Variants in KLF12 observed in about 807,000 individuals in gnomAD.
The protein encoded by KLF12 is KLF transcription factor 12.
In KLF12, 9 loss-of-function variants were observed where a neutral mutation model predicts 37.8. The observed-to-expected ratio is 0.24, with a 90% CI of 0.14 to 0.42. KLF12 has a LOEUF of 0.42. KLF12 is among the 10% of genes least tolerant of loss of function. The probability of loss-of-function intolerance (pLI) is 1.00; values close to 1 mark genes in which losing one functional copy is unlikely to be tolerated. For missense variants in KLF12, 411 were observed against 516.0 expected (o/e 0.80, Z 1.97); for synonymous variants, 208 against 202.1 (o/e 1.03, Z -0.25).
intron 2 of KLF12, among the ~76,000 whole-genome samples, chr13:73,949,816 T>C (rs1380436752): frequency 6.6e-6 from 1 of 152,210 alleles, no homozygotes; most frequent in Non-Finnish European, 1.5e-5. Flanking sequence ...AACACAGACT[T>C]TGCCATTCTA....
chr13:73,996,734 G>A (rs1374506027), intron 1 of KLF12, among the ~76,000 whole-genome samples: 5 of 152,134 alleles, frequency 3.3e-5, no homozygotes, highest in African/African-American at 1.2e-4. Context: ...TGGAAAGGAT[G>A]CCTCCTCTGG....
chr13:73,766,484 G>C (rs1437371140), intron 5 of KLF12, among the ~76,000 whole-genome samples: 1 of 152,032 alleles, frequency 6.6e-6, no homozygotes, highest in Non-Finnish European at 1.5e-5. Flanking sequence ...TTTACTTTCT[G>C]TCTGCTTGAA....
chr13:74,126,681 G>A (rs1321608361), intron 1 of KLF12, among the ~76,000 whole-genome samples: 1 of 152,110 alleles, frequency 6.6e-6, no homozygotes, highest in Non-Finnish European at 1.5e-5. Flanking sequence ...TTTGCCAAAA[G>A]TGGCAAAGTC....
intron 2 of KLF12, among the ~76,000 whole-genome samples, chr13:73,952,199 A>G (rs549890775): frequency 3.2e-4 from 49 of 152,318 alleles, no homozygotes; most frequent in African/African-American, 1.2e-3. Context: ...CCCTTCTTGC[A>G]TTGCTCTAAA....
chr13:74,112,384 T>TGTG (rs1877027840), intron 1 of KLF12, among the ~76,000 whole-genome samples: 3 of 145,166 alleles, frequency 2.1e-5, no homozygotes, highest in East Asian at 2.0e-4. Context: ...TTTGCAGATA[T>TGTG]TGTCTGTGTG....
chr13:74,274,379 T>C, the KLF12 span, among the ~76,000 whole-genome samples: 5 of 152,164 alleles, frequency 3.3e-5, no homozygotes, highest in Non-Finnish European at 5.9e-5. Context: ...CATTACTTAT[T>C]ACCTCTAAGA....
intron 1 of KLF12, among the ~76,000 whole-genome samples, chr13:74,065,440 C>A (rs1357569096): frequency 8.1e-6 from 1 of 123,110 alleles, no homozygotes; most frequent in East Asian, 2.5e-4. Context: ...TTATCTGGAT[C>A]TTCATTTACC....
the KLF12 span, among the ~76,000 whole-genome samples, chr13:74,215,722 A>G: frequency 6.6e-6 from 1 of 152,164 alleles, no homozygotes; most frequent in Admixed American, 6.5e-5. Flanking sequence ...TTTTCCAGAA[A>G]ACAAACAAAA....
At chr13:74,058,225 C>T (rs1873361897) in intron 1 of KLF12, among the ~76,000 whole-genome samples, 1 of 152,002 alleles carries the variant, frequency 6.6e-6, no homozygotes, top group Non-Finnish European at 1.5e-5. Flanking sequence ...CCTCGGACTC[C>T]CAAAGTGCTG....
intron 3 of KLF12, among the ~76,000 whole-genome samples, chr13:73,901,002 G>A (rs990652955): frequency 6.6e-6 from 1 of 152,128 alleles, no homozygotes; most frequent in East Asian, 1.9e-4. Context: ...ATTTCAAGAC[G>A]ATTTGATAGG....
intron 3 of KLF12, among the ~76,000 whole-genome samples, chr13:73,870,639 T>A (rs1469046530): frequency 6.6e-6 from 1 of 152,222 alleles, no homozygotes; most frequent in East Asian, 1.9e-4. Flanking sequence ...ATATCCATAA[T>A]GCTAGAACAT....
chr13:74,141,699 G>A, the KLF12 span, among the ~76,000 whole-genome samples: 1 of 152,082 alleles, frequency 6.6e-6, no homozygotes, highest in Admixed American at 6.6e-5. Flanking sequence ...AAGGCTAAGA[G>A]CAAAACCAAG....
At chr13:74,220,650 G>GC in the KLF12 span, among the ~76,000 whole-genome samples, 2 of 152,242 alleles carry the variant, frequency 1.3e-5, no homozygotes, top group South Asian at 4.1e-4. Context: ...ATGAAATTTT[G>GC]CGTCTTTCGA....
At chr13:74,061,030 C>T (rs1300602692) in intron 1 of KLF12, among the ~76,000 whole-genome samples, 1 of 152,180 alleles carries the variant, frequency 6.6e-6, no homozygotes, top group Admixed American at 6.5e-5. Flanking sequence ...TGGTCCAATA[C>T]TTTCAACACA....
At chr13:73,989,903 A>T (rs2138235976) in intron 2 of KLF12, among the ~76,000 whole-genome samples, 1 of 152,290 alleles carries the variant, frequency 6.6e-6, no homozygotes, top group Non-Finnish European at 1.5e-5. Flanking sequence ...AATTAAAATA[A>T]TTACACATAA....
At chr13:73,865,480 T>A (rs1372141717) in intron 3 of KLF12, among the ~76,000 whole-genome samples, 2 of 152,160 alleles carry the variant, frequency 1.3e-5, no homozygotes, top group African/African-American at 4.8e-5. Flanking sequence ...ATCAGAACTT[T>A]AAGGTCCAAG....
intron 1 of KLF12, among the ~76,000 whole-genome samples, chr13:74,094,277 A>T (rs1452697511): frequency 6.6e-6 from 1 of 152,212 alleles, no homozygotes; most frequent in Admixed American, 6.5e-5. Flanking sequence ...TTTTATTAAT[A>T]ATAACTATAA....
chr13:73,826,626 C>T (rs909951943), intron 4 of KLF12, among the ~76,000 whole-genome samples: 1 of 151,932 alleles, frequency 6.6e-6, no homozygotes, highest in Non-Finnish European at 1.5e-5. Context: ...TTTTTAATTC[C>T]TATTTTGTTT....
intron 1 of KLF12, among the ~76,000 whole-genome samples, chr13:74,025,555 T>C (rs1265669032): frequency 1.3e-5 from 2 of 149,918 alleles, no homozygotes; most frequent in East Asian, 3.9e-4. Context: ...CTTTGGTTTG[T>C]TCAGAGTTAA....
Sources: allele counts gnomAD v4.1 joint callset (sites outside exome capture counted in the v4.1 genomes callset), GRCh38; gene constraint gnomAD v4.1.1; transcripts MANE v1.5; gene names NCBI Gene and HGNC (gene_info 2026-07-23, HGNC 2026-07-21).